Variants in NUP210L observed in about 807,000 individuals in gnomAD.
The protein encoded by NUP210L is nuclear pore membrane glycoprotein 210-like.
NUP210L carries 74 observed loss-of-function variants against 208.5 expected under a neutral mutation model. The ratio of observed to expected loss-of-function variants is 0.35; its 90% CI spans 0.29 to 0.43. NUP210L has a LOEUF of 0.43. Among genes scored for constraint, NUP210L ranks in the 20% least tolerant of loss-of-function variants. NUP210L has a pLI of 1.00. For missense variants in NUP210L, 1,843 were observed against 2,289.4 expected (o/e 0.81, Z 3.98); for synonymous variants, 780 against 816.9 (o/e 0.95, Z 0.77).
At chr1:154,049,955 T>G (rs1411020014) in intron 25 of NUP210L, among the ~76,000 whole-genome samples, 1 of 152,240 alleles carries the variant, frequency 6.6e-6, no homozygotes, top group Admixed American at 6.5e-5. Flanking sequence ...CAGAAGTATG[T>G]AGGGCAAGCA....
At chr1:154,095,923 G>C (rs1434182122) in intron 14 of NUP210L, among the ~76,000 whole-genome samples, 1 of 152,142 alleles carries the variant, frequency 6.6e-6, no homozygotes, top group Non-Finnish European at 1.5e-5. Context: ...TTTTTGTATG[G>C]CACACAATGT....
intron 17 of NUP210L, among the ~76,000 whole-genome samples, chr1:154,065,768 C>T (rs981615511): frequency 2.0e-5 from 3 of 151,798 alleles, no homozygotes; most frequent in African/African-American, 7.3e-5. Flanking sequence ...TGGCACATGC[C>T]TATAGTCCCA....
Position 154,129,190 on chromosome 1 carries a change from G to GA in NUP210L, c.1078+86dup, listed in dbSNP as rs1571308478. ...GAAATTAAGTCCCAGAATGAAAGTT[G>GA]AAAGTTGAAGAAATGCTGTATAATG... is the stretch of plus-strand genomic sequence containing the variant. On this transcript the variant is annotated intron_variant, in intron 8 of 39. Transcript: ENST00000368559. The GA allele has an allele frequency of 2.9e-5, 22 of 750,480 alleles. No homozygotes were observed. The East Asian group carries it at 5.7e-4, about 19-fold the overall frequency. The allele number at this position is 750,480 out of a possible 1,614,324, so 46.5% of individuals were successfully genotyped here.
intron 16 of NUP210L, among the ~76,000 whole-genome samples, chr1:154,080,399 C>A (rs889393993): frequency 6.6e-6 from 1 of 150,394 alleles, no homozygotes; most frequent in Non-Finnish European, 1.5e-5. Context: ...AATGACTGGG[C>A]GCAGTGGCTC....
intron 12 of NUP210L, among the ~76,000 whole-genome samples, chr1:154,104,827 T>C (rs916250292): frequency 6.6e-6 from 1 of 152,080 alleles, no homozygotes; most frequent in East Asian, 1.9e-4. Context: ...CAAGTTCTGG[T>C]GCTGTGCTGA....
At chr1:154,137,158 C>T (rs2148136123) in intron 6 of NUP210L, among the ~76,000 whole-genome samples, 1 of 152,162 alleles carries the variant, frequency 6.6e-6, no homozygotes, top group African/African-American at 2.4e-5. Context: ...GTAGCTCACA[C>T]CTATAATCTC....
At chr1:154,007,269 A>G (rs1650617324) in intron 35 of NUP210L, among the ~76,000 whole-genome samples, 1 of 97,054 alleles carries the variant, frequency 1.0e-5, no homozygotes, top group South Asian at 4.1e-4. Flanking sequence ...GCTTATATAT[A>G]TATTTTTTTT....
At position 154,047,378 on chromosome 1, in the gene NUP210L, C is replaced by G. The variant is rs566786453; in HGVS notation, c.3484-1009G>C. ...CTCATATACTGTTGGGAACAGGCCC[C>G]CAAATCTGGCCATAAACTGGCCCCA... On this transcript the variant is annotated intron_variant, in intron 25 of 39. Transcript: ENST00000368559. Among the ~76,000 whole-genome samples, 3 of 152,272 alleles carry G rather than the reference C, an allele frequency of 2.0e-5. No homozygotes were observed. The South Asian group carries it at 6.2e-4, about 32-fold the overall frequency.
chr1:154,067,707 G>A (rs529189903), intron 17 of NUP210L, among the ~76,000 whole-genome samples: 57 of 152,290 alleles, frequency 3.7e-4, no homozygotes, highest in African/African-American at 1.3e-3. Flanking sequence ...CATCATCTCA[G>A]CCCCAAATCT....
At chr1:154,065,435 T>C (rs1027731524) in intron 17 of NUP210L, among the ~76,000 whole-genome samples, 20 of 152,036 alleles carry the variant, frequency 1.3e-4, no homozygotes, top group African/African-American at 4.6e-4. Flanking sequence ...GAAAAAGAAA[T>C]ATATTTTAAA....
chr1:154,110,317 G>A (rs1418362022), intron 12 of NUP210L, among the ~76,000 whole-genome samples: 1 of 149,144 alleles, frequency 6.7e-6, no homozygotes, highest in Non-Finnish European at 1.5e-5. Context: ...CTGTTGCCAG[G>A]CCAGAGTGCT....
intron 16 of NUP210L, among the ~76,000 whole-genome samples, chr1:154,071,627 CT>C (rs893742878): frequency 0.011 from 1,121 of 99,762 alleles, 7 homozygotes; most frequent in African/African-American, 0.041. Context: ...CAATTCATTC[CT>C]TTTTTTTTTT....
At chr1:154,021,379 T>C (rs1651552989) in intron 32 of NUP210L, among the ~76,000 whole-genome samples, 1 of 151,866 alleles carries the variant, frequency 6.6e-6, no homozygotes, top group Non-Finnish European at 1.5e-5. Context: ...CCCAGCTACT[T>C]GGGAGGCTAA....
chr1:154,121,736 G>T (rs1326951233), intron 10 of NUP210L, among the ~76,000 whole-genome samples: 10 of 151,664 alleles, frequency 6.6e-5, no homozygotes, highest in African/African-American at 2.4e-4. Context: ...GCATGGTGGC[G>T]GGCGCCTGTA....
At chr1:154,050,481 T>C (rs1317055212) in intron 25 of NUP210L, among the ~76,000 whole-genome samples, 3 of 152,296 alleles carry the variant, frequency 2.0e-5, no homozygotes, top group East Asian at 3.9e-4. Flanking sequence ...ACTGGTGTTA[T>C]TGTCCAAGAG....
At chr1:154,097,067 CT>C (rs1325239565) in intron 14 of NUP210L, among the ~76,000 whole-genome samples, 1 of 151,462 alleles carries the variant, frequency 6.6e-6, no homozygotes, top group Non-Finnish European at 1.5e-5. Context: ...GAGTGAGACT[CT>C]GTCTCAAAAA....
At chr1:154,086,237 G>C (rs1257390556) in intron 16 of NUP210L, among the ~76,000 whole-genome samples, 1 of 148,978 alleles carries the variant, frequency 6.7e-6, no homozygotes, top group Admixed American at 6.7e-5. Flanking sequence ...AGAAAGAAAA[G>C]AAAAGAAAAA....
At chr1:154,071,189 C>T (rs1418718790) in intron 16 of NUP210L, among the ~76,000 whole-genome samples, 2 of 151,818 alleles carry the variant, frequency 1.3e-5, no homozygotes, top group African/African-American at 4.8e-5. Context: ...CTCAACCTTC[C>T]AGGCTCAAGC....
chr1:154,014,257 A>G (rs1447991949), intron 33 of NUP210L, among the ~76,000 whole-genome samples: 1 of 152,184 alleles, frequency 6.6e-6, no homozygotes, highest in Non-Finnish European at 1.5e-5. Context: ...TTTAATGAGT[A>G]TCTGCTAATT....
Sources: gnomAD v4.1 joint callset for allele counts (sites outside exome capture counted in the v4.1 genomes callset) on GRCh38, gnomAD v4.1.1 for gene constraint, MANE v1.5 for transcripts, NCBI Gene and HGNC (gene_info 2026-07-23, HGNC 2026-07-21) for gene names.